The following NIPA2 variants were observed in gnomAD, a reference collection of about 807,000 sequenced individuals.
NIPA2 encodes the protein NIPA magnesium transporter 2, also known as magnesium transporter NIPA2.
A neutral mutation model predicts 29.7 loss-of-function variants in NIPA2; 11 were observed. That is an observed-to-expected ratio of 0.37 (90% CI 0.23 to 0.61). The LOEUF is 0.61. Among genes scored for constraint, NIPA2 ranks in the 20% least tolerant of loss-of-function variants. The pLI is 0.66. For missense variants in NIPA2, 426 were observed against 437.9 expected, an observed-to-expected ratio of 0.97 and a Z score of 0.24; for synonymous variants, 183 against 161.9, an observed-to-expected ratio of 1.13 and a Z score of -0.99.
intron 7 of NIPA2, among the ~76,000 whole-genome samples, chr15:22,864,888 G>A (rs2058877559): frequency 6.6e-6 from 1 of 152,032 alleles, no homozygotes; most frequent in African/African-American, 2.4e-5. Flanking sequence ...TCTTGAGACA[G>A]TCTCACTCTA....
At chr15:22,849,281 CTT>C (rs2057534014) in intron 3 of NIPA2, among the ~76,000 whole-genome samples, 1 of 95,190 alleles carries the variant, frequency 1.1e-5, no homozygotes, top group Admixed American at 1.4e-4. Flanking sequence ...TGTTCAGCTT[CTT>C]TCTTTTTATG....
At chr15:22,862,049 C>CTCTTTTTTTTTTTT (rs1555387456) in intron 7 of NIPA2, among the ~76,000 whole-genome samples, 3 of 103,978 alleles carry the variant, frequency 2.9e-5, no homozygotes, top group South Asian at 3.6e-4. Context: ...ATGGGTCTCT[C>CTCTTTTTTTTTTTT]TTTTTTTTTT....
chr15:22,863,086 T>G (rs200007473), intron 7 of NIPA2, among the ~76,000 whole-genome samples: 2 of 79,794 alleles, frequency 2.5e-5, no homozygotes, highest in Non-Finnish European at 5.0e-5. Flanking sequence ...ATTTTCTTTG[T>G]TTTTTTTTTT....
At chr15:22,845,113 A>T (rs1267465756) in intron 2 of NIPA2, 33 bp from the exon 3 acceptor site, 1 of 152,208 alleles carries the variant, frequency 6.6e-6, no homozygotes, top group Admixed American at 6.5e-5. Context: ...CCTCATGGCT[A>T]ATTCTTAAGA....
chr15:22,843,687 G>T (rs1897787863), intron 2 of NIPA2, among the ~76,000 whole-genome samples: 10 of 150,044 alleles, frequency 6.7e-5, no homozygotes. Flanking sequence ...GTCTCGCCCT[G>T]TGGCCCAGGC....
At chr15:22,860,817 T>C (rs373471291) in intron 7 of NIPA2, 28 bp downstream of exon 7, 1 of 1,525,704 alleles carries the variant, frequency 6.6e-7, no homozygotes, top group Non-Finnish European at 8.8e-7. Context: ...TTAGTCTTAC[T>C]GTATTTTACT....
At position 22,858,625 on chromosome 15, in the gene NIPA2, A is replaced by AGT. The variant is rs2058380276; in HGVS notation, c.283_284dup (p.Ser96Ter). ...CTCCACTAGGAGCTCTCAGCGTGCT[A>AGT]GTAAGGTAAGGACACGTTTTTCATG... is the stretch of plus-strand genomic sequence containing the variant. On this transcript the variant is annotated frameshift_variant, in exon 6 of 8. Coordinates refer to ENST00000337451, the MANE Select transcript of NIPA2 (RefSeq NM_030922.7). LOFTEE classifies it high-confidence loss of function. The AGT allele has an allele frequency of 6.3e-7, 1 of 1,590,122 alleles. No homozygotes were observed. The highest frequency in any genetic ancestry group is 8.6e-7 in the Non-Finnish European group (1 of 1,165,154).
At chr15:22,853,125 A>G in intron 4 of NIPA2, 87 bp from the exon 5 acceptor site, 2 of 878,144 alleles carry the variant, frequency 2.3e-6, no homozygotes, top group Non-Finnish European at 3.7e-6. Flanking sequence ...TAACTGAGAT[A>G]TTTAAAAATC....
At chr15:22,844,848 C>T (rs558651572) in intron 2 of NIPA2, among the ~76,000 whole-genome samples, 23 of 152,262 alleles carry the variant, frequency 1.5e-4, no homozygotes, top group Admixed American at 5.9e-4. Context: ...GTGTTTAAAA[C>T]GTCAGTAGGT....
In NIPA2 at chr15:22,866,748, T is replaced by TGAA. The variant is rs759696703; in HGVS notation, c.986_988dup (p.Glu329dup). The TGAA allele has an allele frequency of 3.7e-6, 6 of 1,613,810 alleles. No individual in the cohort carries two copies. The highest frequency in any genetic ancestry group is 2.7e-5 in the African/African-American group (2 of 75,022). On this transcript the variant is annotated inframe_insertion, in exon 8 of 8. Transcript: ENST00000337451. ...TGAATGGCAATCTCTCTAATATGTA[T>TGAA]GAAGTTCTTAATAATAATGAAGAAA...
intron 1 of NIPA2, chr15:22,839,138 GTT>G (rs1458616852): frequency 6.6e-6 from 1 of 152,176 alleles, no homozygotes; most frequent in Non-Finnish European, 1.5e-5. Flanking sequence ...GGGGACGCAT[GTT>G]CATTAAGTTC....
chr15:22,840,290 GT>G lies in NIPA2; in HGVS notation c.-216+511del, dbSNP rs59421708. Among the ~76,000 whole-genome samples, 82 of 137,820 alleles carry G rather than the reference GT, an allele frequency of 5.9e-4. 1 individual carries two copies. Among genetic ancestry groups the G allele is most frequent in the Admixed American group, 1.1e-3 (14 of 13,136 alleles). The allele number at this position is 137,820 out of a possible 152,430, so 90.4% of individuals were successfully genotyped here. The stretch of plus-strand genomic sequence containing the variant: ...TAGAAAACTAAGAGCTCTATATATA[GT>G]TTTTTTTTTTGTTTTTTTTTTTTTG... On this transcript the variant is annotated intron_variant, in intron 2 of 7. Coordinates refer to ENST00000337451, the MANE Select transcript of NIPA2 (RefSeq NM_030922.7).
intron 3 of NIPA2, among the ~76,000 whole-genome samples, chr15:22,848,901 A>G (rs2057495143): frequency 1.3e-5 from 2 of 150,542 alleles, no homozygotes; most frequent in African/African-American, 2.4e-5. Context: ...ATTAAGACCT[A>G]TTTTGAGACT....
intron 4 of NIPA2, among the ~76,000 whole-genome samples, chr15:22,852,381 G>A (rs1026316720): frequency 6.6e-6 from 1 of 151,478 alleles, no homozygotes; most frequent in Non-Finnish European, 1.5e-5. Flanking sequence ...CAGCAGAATC[G>A]CTTGAACCCG....
intron 3 of NIPA2, among the ~76,000 whole-genome samples, chr15:22,848,519 G>A (rs1232678554): frequency 4.6e-5 from 7 of 151,886 alleles, no homozygotes; most frequent in Admixed American, 4.6e-4. Flanking sequence ...CTGTTTTTAA[G>A]GGCTAATTAT....
intron 7 of NIPA2, among the ~76,000 whole-genome samples, chr15:22,862,918 T>C (rs1233591279): frequency 6.8e-6 from 1 of 147,224 alleles, no homozygotes; most frequent in African/African-American, 2.5e-5. Flanking sequence ...TTTTTTTTTT[T>C]GGAGACAGTA....
intron 6 of NIPA2, among the ~76,000 whole-genome samples, chr15:22,860,139 C>A (rs565677518): frequency 1.6e-4 from 25 of 151,972 alleles, no homozygotes; most frequent in Non-Finnish European, 3.4e-4. Context: ...CTGCCCCAGC[C>A]TCCCGAGTAG....
intron 2 of NIPA2, among the ~76,000 whole-genome samples, chr15:22,842,859 C>T (rs1419675463): frequency 6.6e-6 from 1 of 151,444 alleles, no homozygotes; most frequent in East Asian, 1.9e-4. Context: ...AAAAATTTGC[C>T]TAGTGTAGTG....
At chr15:22,848,825 CAAAA>C (rs35853443) in intron 3 of NIPA2, among the ~76,000 whole-genome samples, 5 of 66,710 alleles carry the variant, frequency 7.5e-5, no homozygotes, top group East Asian at 5.1e-4. Context: ...ACTCTTGTCT[CAAAA>C]AAAAAAAAAA....
Sources: allele counts gnomAD v4.1 joint callset (sites outside exome capture counted in the v4.1 genomes callset), GRCh38; gene constraint gnomAD v4.1.1; transcripts MANE v1.5; gene names NCBI Gene and HGNC (gene_info 2026-07-23, HGNC 2026-07-21).